Variants in ULK4 observed in about 807,000 individuals in gnomAD.
ULK4 encodes inactive serine/threonine-protein kinase ULK4.
Under a neutral mutation model 160.6 loss-of-function variants are expected in ULK4, and 133 were observed. The ratio of observed to expected loss-of-function variants is 0.83; its 90% CI spans 0.72 to 0.96. ULK4 has a LOEUF of 0.96. Ranked by LOEUF, ULK4 falls within the 40% of genes least tolerant of loss-of-function variation. The pLI, the probability that ULK4 is intolerant of heterozygous loss-of-function variation, is 0.00. For missense variants in ULK4, 1,580 were observed against 1,499.5 expected, an observed-to-expected ratio of 1.05 and a Z score of -0.89; for synonymous variants, 534 against 539.8, an observed-to-expected ratio of 0.99 and a Z score of 0.15.
At chr3:41,885,869 G>T (rs1575885330) in intron 16 of ULK4, among the ~76,000 whole-genome samples, 1 of 151,934 alleles carries the variant, frequency 6.6e-6, no homozygotes, top group South Asian at 2.1e-4. Context: ...GTAGAAATGG[G>T]GTTTCGCCAT....
chr3:41,656,152 C>T (rs2034929054), intron 30 of ULK4, among the ~76,000 whole-genome samples: 1 of 151,998 alleles, frequency 6.6e-6, no homozygotes, highest in Non-Finnish European at 1.5e-5. Context: ...AATGGGATTA[C>T]CTCCTCTAGG....
chr3:41,591,525 TA>T (rs1476665913), intron 31 of ULK4, among the ~76,000 whole-genome samples: 1 of 151,486 alleles, frequency 6.6e-6, no homozygotes, highest in Non-Finnish European at 1.5e-5. Flanking sequence ...ATAAATCTCA[TA>T]ATGTTTTAAG....
intron 18 of ULK4, among the ~76,000 whole-genome samples, chr3:41,829,461 A>C (rs887238109): frequency 6.6e-6 from 1 of 151,902 alleles, no homozygotes; most frequent in Admixed American, 6.6e-5. Flanking sequence ...AAAAACAAAC[A>C]ACCCCATCAA....
At chr3:41,573,600 G>A (rs1177879738) in intron 31 of ULK4, among the ~76,000 whole-genome samples, 5 of 152,166 alleles carry the variant, frequency 3.3e-5, no homozygotes, top group African/African-American at 1.2e-4. Context: ...ATAGGGATGA[G>A]AAACCACAGA....
At chr3:41,770,335 A>C (rs1385410221) in intron 21 of ULK4, among the ~76,000 whole-genome samples, 1 of 152,166 alleles carries the variant, frequency 6.6e-6, no homozygotes, top group Non-Finnish European at 1.5e-5. Flanking sequence ...AACACAAAAC[A>C]TGAACCACTC....
intron 9 of ULK4, among the ~76,000 whole-genome samples, chr3:41,912,225 A>C: frequency 6.6e-6 from 1 of 151,358 alleles, no homozygotes. Flanking sequence ...CTACCCAGGA[A>C]TCTGAGGTAG....
chr3:41,681,364 A>T (rs540906474), intron 29 of ULK4, 144 bp downstream of exon 29: 1 of 1,184,188 alleles, frequency 8.4e-7, no homozygotes, highest in Non-Finnish European at 1.2e-6. Flanking sequence ...GCACCTGTCT[A>T]AACTTTTTTT....
At chr3:41,950,486 G>T (rs549083970) in intron 2 of ULK4, among the ~76,000 whole-genome samples, 4 of 151,912 alleles carry the variant, frequency 2.6e-5, no homozygotes, top group Non-Finnish European at 5.9e-5. Context: ...CAAGTGATCC[G>T]CCCACCTCAG....
intron 34 of ULK4, among the ~76,000 whole-genome samples, chr3:41,438,025 A>C (rs1448901679): frequency 6.6e-6 from 1 of 151,864 alleles, no homozygotes; most frequent in Non-Finnish European, 1.5e-5. Flanking sequence ...GCTGAAAGTC[A>C]GGACCCTAGT....
intron 35 of ULK4, among the ~76,000 whole-genome samples, chr3:41,336,239 G>A (rs1399860987): frequency 6.6e-6 from 1 of 152,198 alleles, no homozygotes; most frequent in Non-Finnish European, 1.5e-5. Flanking sequence ...ACTATCTCTG[G>A]AGAAAAACAC....
intron 32 of ULK4, among the ~76,000 whole-genome samples, chr3:41,551,831 G>A (rs2087079952): frequency 6.6e-6 from 1 of 151,900 alleles, no homozygotes; most frequent in Non-Finnish European, 1.5e-5. Context: ...TACAGGCCAA[G>A]AGCCCTGATG....
At chr3:41,856,511 A>AT (rs1491160919) in intron 17 of ULK4, among the ~76,000 whole-genome samples, 63 of 90,894 alleles carry the variant, frequency 6.9e-4, no homozygotes, top group African/African-American at 1.8e-3. Context: ...ATAAATAAAT[A>AT]AATATATATA....
At chr3:41,882,600 G>A (rs1441990197) in intron 17 of ULK4, among the ~76,000 whole-genome samples, 14 of 152,118 alleles carry the variant, frequency 9.2e-5, no homozygotes, top group Admixed American at 9.2e-4. Context: ...GCTTCCTAAA[G>A]TATCCATCCT....
At chr3:41,275,902 G>A (rs1323813617) in intron 35 of ULK4, among the ~76,000 whole-genome samples, 1 of 152,224 alleles carries the variant, frequency 6.6e-6, no homozygotes, top group African/African-American at 2.4e-5. Flanking sequence ...CATTGGGTAT[G>A]GGCTTTGTCT....
chr3:41,281,352 A>G (rs1001978146), intron 35 of ULK4, among the ~76,000 whole-genome samples: 2 of 152,224 alleles, frequency 1.3e-5, no homozygotes, highest in Non-Finnish European at 2.9e-5. Flanking sequence ...ACACAAAAAA[A>G]GAAAATTTTG....
At chr3:41,407,841 G>T (rs2082325063) in intron 34 of ULK4, among the ~76,000 whole-genome samples, 1 of 152,046 alleles carries the variant, frequency 6.6e-6, no homozygotes, top group Admixed American at 6.6e-5. Flanking sequence ...CATTATAATG[G>T]AGGTTCTAGC....
chr3:41,444,379 C>T (rs2083245695), intron 34 of ULK4, among the ~76,000 whole-genome samples: 2 of 151,892 alleles, frequency 1.3e-5, no homozygotes, highest in Non-Finnish European at 2.9e-5. Flanking sequence ...CTCTCTCTCT[C>T]TCTCTCTCTC....
intron 30 of ULK4, among the ~76,000 whole-genome samples, chr3:41,646,927 CTTCATTTCA>C (rs1255018208): frequency 2.0e-5 from 3 of 152,192 alleles, no homozygotes; most frequent in Non-Finnish European, 4.4e-5. Context: ...TCCCTTCTCG[CTTCATTTCA>C]TTCATTTCAT....
At chr3:41,884,481 A>G (rs1278331492) in intron 16 of ULK4, among the ~76,000 whole-genome samples, 3 of 152,234 alleles carry the variant, frequency 2.0e-5, no homozygotes, top group Non-Finnish European at 4.4e-5. Flanking sequence ...TTTAGTATCC[A>G]GCAGAAAACT....
Sources: allele counts gnomAD v4.1 joint callset (sites outside exome capture counted in the v4.1 genomes callset), GRCh38; gene constraint gnomAD v4.1.1; transcripts MANE v1.5; gene names NCBI Gene and HGNC (gene_info 2026-07-23, HGNC 2026-07-21).